The following CDH8 variants were observed in gnomAD, a reference collection of about 807,000 sequenced individuals.
CDH8 encodes the protein cadherin-8.
In CDH8, 17 loss-of-function variants were observed where a neutral mutation model predicts 68.1. The observed-to-expected ratio is 0.25, with a 90% CI of 0.17 to 0.37. CDH8 has a LOEUF of 0.37. CDH8 is among the 10% of genes least tolerant of loss of function. The probability of loss-of-function intolerance (pLI) is 1.00; values close to 1 mark genes in which losing one functional copy is unlikely to be tolerated. For missense variants in CDH8, 763 were observed against 999.3 expected (o/e 0.76, Z 3.19); for synonymous variants, 372 against 365.1 (o/e 1.02, Z -0.21).
At chr16:61,963,601 A>G (rs1965195230) in intron 2 of CDH8, among the ~76,000 whole-genome samples, 1 of 152,238 alleles carries the variant, frequency 6.6e-6, no homozygotes, top group Admixed American at 6.5e-5. Flanking sequence ...CTCACTAAAA[A>G]TTAACGATAA....
intron 10 of CDH8, among the ~76,000 whole-genome samples, chr16:61,698,092 GAAAA>G (rs1238800473): frequency 6.6e-6 from 1 of 152,066 alleles, no homozygotes; most frequent in African/African-American, 2.4e-5. Flanking sequence ...CTCCATCTGA[GAAAA>G]AAGCTCTTTT....
chr16:61,866,553 A>G (rs1963257055), intron 3 of CDH8, among the ~76,000 whole-genome samples: 1 of 151,370 alleles, frequency 6.6e-6, no homozygotes, highest in Non-Finnish European at 1.5e-5. Flanking sequence ...AAATTGTAGC[A>G]TACATAGAAT....
intron 3 of CDH8, among the ~76,000 whole-genome samples, chr16:61,881,657 T>A (rs556118343): frequency 5.3e-5 from 8 of 152,196 alleles, no homozygotes; most frequent in African/African-American, 1.9e-4. Context: ...AAACTGACAT[T>A]TATTGAAATA....
intron 8 of CDH8, among the ~76,000 whole-genome samples, chr16:61,766,762 G>T (rs1247617386): frequency 6.6e-6 from 1 of 151,868 alleles, no homozygotes; most frequent in Non-Finnish European, 1.5e-5. Flanking sequence ...ATAAAATGGA[G>T]ATAACATAAC....
At chr16:61,668,312 G>T (rs746888049) in intron 10 of CDH8, among the ~76,000 whole-genome samples, 72 of 151,894 alleles carry the variant, frequency 4.7e-4, no homozygotes, top group Middle Eastern at 6.8e-3. Context: ...AGTGCCCAAG[G>T]TCTGGTGTGT....
chr16:61,874,451 C>A (rs1963425645), intron 3 of CDH8, among the ~76,000 whole-genome samples: 1 of 152,010 alleles, frequency 6.6e-6, no homozygotes, highest in Non-Finnish European at 1.5e-5. Context: ...CCTGCCTCAG[C>A]CTCCCGAGTA....
At chr16:62,012,950 T>C (rs1469877480) in intron 2 of CDH8, among the ~76,000 whole-genome samples, 2 of 152,144 alleles carry the variant, frequency 1.3e-5, no homozygotes, top group African/African-American at 4.8e-5. Flanking sequence ...GTGATTTGCA[T>C]TCTCTTTAAA....
chr16:61,960,329 GTATACACACATATATACA>G (rs1965121969), intron 2 of CDH8, among the ~76,000 whole-genome samples: 1 of 82,264 alleles, frequency 1.2e-5, no homozygotes, highest in East Asian at 3.6e-4. Flanking sequence ...ACGTGTGTGT[GTATACACACATATATACA>G]TGTGTGTGTG....
At chr16:61,833,000 G>GAGTT (rs1962493685) in intron 4 of CDH8, among the ~76,000 whole-genome samples, 1 of 151,536 alleles carries the variant, frequency 6.6e-6, no homozygotes, top group South Asian at 2.1e-4. Context: ...ATGGGTTCTG[G>GAGTT]AGTTAGCTAG....
intron 9 of CDH8, among the ~76,000 whole-genome samples, chr16:61,721,655 G>GAAAA (rs59686570): frequency 6.7e-6 from 1 of 149,822 alleles, no homozygotes; most frequent in African/African-American, 2.4e-5. Flanking sequence ...GTTTTCTTTT[G>GAAAA]AAAAAAAATG....
intron 4 of CDH8, among the ~76,000 whole-genome samples, chr16:61,850,563 T>C (rs1962916214): frequency 6.6e-6 from 1 of 152,094 alleles, no homozygotes; most frequent in Non-Finnish European, 1.5e-5. Flanking sequence ...GTTTATTATA[T>C]ATCGAAAAAG....
chr16:61,853,245 G>GT (rs1962977382), intron 4 of CDH8, among the ~76,000 whole-genome samples: 1 of 152,042 alleles, frequency 6.6e-6, no homozygotes, highest in Admixed American at 6.6e-5. Flanking sequence ...GAAGTGAAAT[G>GT]TAACAAGCAA....
At chr16:61,882,097 T>G (rs952092154) in intron 3 of CDH8, among the ~76,000 whole-genome samples, 19 of 152,220 alleles carry the variant, frequency 1.2e-4, no homozygotes, top group African/African-American at 4.3e-4. Context: ...GAATGTCTCT[T>G]CAAACCCCAA....
intron 5 of CDH8, among the ~76,000 whole-genome samples, chr16:61,823,188 C>T (rs1170083950): frequency 6.6e-6 from 1 of 151,814 alleles, no homozygotes; most frequent in Non-Finnish European, 1.5e-5. Context: ...AATGCATCTC[C>T]TCTATCCTTT....
At chr16:61,868,012 T>G (rs1220564487) in intron 3 of CDH8, among the ~76,000 whole-genome samples, 1 of 152,210 alleles carries the variant, frequency 6.6e-6, no homozygotes, top group African/African-American at 2.4e-5. Context: ...TTTGTTCAAA[T>G]TATAAGCATG....
intron 2 of CDH8, among the ~76,000 whole-genome samples, chr16:61,937,034 TA>T (rs1964637909): frequency 6.6e-6 from 1 of 152,170 alleles, no homozygotes; most frequent in African/African-American, 2.4e-5. Flanking sequence ...CAGAAATTAG[TA>T]TTTTTTTAAA....
At chr16:61,768,319 T>C (rs1960653823) in intron 8 of CDH8, among the ~76,000 whole-genome samples, 2 of 45,408 alleles carry the variant, frequency 4.4e-5, no homozygotes, top group African/African-American at 1.2e-4. Context: ...TCCCTTTCTC[T>C]CTCTCTCTCT....
At chr16:61,680,416 C>T (rs540383717) in intron 10 of CDH8, among the ~76,000 whole-genome samples, 7 of 151,764 alleles carry the variant, frequency 4.6e-5, no homozygotes, top group Non-Finnish European at 8.8e-5. Flanking sequence ...TAATACACGC[C>T]GTTCTCTTTC....
chr16:61,857,096 A>C, intron 4 of CDH8, 23 bp downstream of exon 4: 1 of 1,612,690 alleles, frequency 6.2e-7, no homozygotes, highest in Non-Finnish European at 8.5e-7. Flanking sequence ...TGGCAAATAT[A>C]ATTCGAAATT....
Sources: allele counts gnomAD v4.1 joint callset (sites outside exome capture counted in the v4.1 genomes callset), GRCh38; gene constraint gnomAD v4.1.1; transcripts MANE v1.5; gene names NCBI Gene and HGNC (gene_info 2026-07-23, HGNC 2026-07-21).